Variants in RNF19B observed in about 807,000 individuals in gnomAD.
RNF19B encodes the protein ring finger protein 19B.
Under a neutral mutation model 65.5 loss-of-function variants are expected in RNF19B, and 23 were observed. That is an observed-to-expected ratio of 0.35 (90% CI 0.25 to 0.50). The LOEUF (loss-of-function observed/expected upper bound fraction) is 0.50. Among genes scored for constraint, RNF19B ranks in the 20% least tolerant of loss-of-function variants. RNF19B has a pLI of 0.98. For synonymous variants in RNF19B, 372 were observed against 379.6 expected, an observed-to-expected ratio of 0.98 and a Z score of 0.23; for missense variants, 794 against 980.0, an observed-to-expected ratio of 0.81 and a Z score of 2.53.
rs1289911795 is a variant in RNF19B, at chr1:32,942,464, G to T, written c.1403-5C>A. ...GGGCTCTCCAGGCATCTGCCACTGG[G>T]GATAGAACCAAACATCCAATTCAAG... On this transcript the variant is annotated splice_polypyrimidine_tract_variant and splice_region_variant and intron_variant, in intron 6 of 8. Coordinates refer to ENST00000235150, the MANE Select transcript of RNF19B (RefSeq NM_001300826.2). 1 of 1,611,928 alleles carries T rather than the reference G, an allele frequency of 6.2e-7. No individual in the cohort carries two copies. The highest frequency in any genetic ancestry group is 8.5e-7 in the Non-Finnish European group (1 of 1,178,248).
intron 1 of RNF19B, among the ~76,000 whole-genome samples, chr1:32,952,149 G>A (rs1006955855): frequency 6.6e-6 from 1 of 151,494 alleles, no homozygotes; most frequent in African/African-American, 2.4e-5. Context: ...CACTAATGTC[G>A]ACCATTTCTT....
intron 1 of RNF19B, among the ~76,000 whole-genome samples, chr1:32,952,824 G>A (rs1642539927): frequency 6.6e-6 from 1 of 150,856 alleles, no homozygotes; most frequent in African/African-American, 2.4e-5. Flanking sequence ...GAGGTGGGAG[G>A]ACTGCTTGAG....
intron 1 of RNF19B, among the ~76,000 whole-genome samples, chr1:32,953,560 A>G (rs1333320747): frequency 6.6e-6 from 1 of 152,132 alleles, no homozygotes; most frequent in Admixed American, 6.6e-5. Flanking sequence ...ATGTTATATA[A>G]TACAGGCTGT....
the RNF19B span, among the ~76,000 whole-genome samples, chr1:32,930,669 G>C: frequency 6.6e-6 from 1 of 152,136 alleles, no homozygotes; most frequent in Non-Finnish European, 1.5e-5. Context: ...CAGCCTCCCA[G>C]AGTGCTGGGA....
chr1:32,952,962 ATTTTTTTTTTTTTTTTT>A (rs71278768), intron 1 of RNF19B, among the ~76,000 whole-genome samples: 2 of 120,038 alleles, frequency 1.7e-5, no homozygotes, highest in Non-Finnish European at 3.4e-5. Flanking sequence ...TAATCACACA[ATTTTTTTTTTTTTTTTT>A]TTTTTGAAGA....
rs768797972 is a variant in RNF19B, at chr1:32,948,356, G to A, written c.849C>T (p.Ile283=). The change falls in exon 3 of 9, where the codon ATC becomes ATT. Residue 283 remains isoleucine, a synonymous_variant. Coordinates refer to ENST00000235150, the MANE Select transcript of RNF19B (RefSeq NM_001300826.2). ...SYGQESGPDD[I]KPCPRCSAYI... ...ATGCACTGCATCGTGGGCATGGCTT[G>A]ATGTCATCTGCTATGAGTGGGGGAA... The A allele has an allele frequency of 6.2e-7, 1 of 1,613,234 alleles. No individual in the cohort carries two copies. The highest frequency in any genetic ancestry group is 2.2e-5 in the East Asian group (1 of 44,882).
intron 8 of RNF19B, 158 bp downstream of exon 8, chr1:32,938,239 C>T (rs1193566966): frequency 1.5e-5 from 8 of 528,198 alleles, no homozygotes; most frequent in African/African-American, 1.0e-4. Flanking sequence ...AGATGCCAAA[C>T]ACTCAAGTAC....
At chr1:32,945,463 T>C (rs1472148976) in intron 5 of RNF19B, 51 bp downstream of exon 5, 2 of 1,189,862 alleles carry the variant, frequency 1.7e-6, no homozygotes, top group African/African-American at 3.0e-5. Flanking sequence ...CTGGCTAAAC[T>C]GCTATGGTCA....
chr1:32,942,528 C>A (rs1020892485), intron 6 of RNF19B, 69 bp from the exon 7 acceptor site: 12 of 1,363,160 alleles, frequency 8.8e-6, no homozygotes, highest in Non-Finnish European at 1.2e-5. Context: ...CATTTTCCTG[C>A]AATGACTTTT....
At chr1:32,961,660 C>T (rs548713281) in intron 1 of RNF19B, among the ~76,000 whole-genome samples, 2 of 151,888 alleles carry the variant, frequency 1.3e-5, no homozygotes, top group East Asian at 1.9e-4. Flanking sequence ...ATATATATAA[C>T]TATATATATG....
intron 1 of RNF19B, among the ~76,000 whole-genome samples, chr1:32,955,626 G>A (rs957939208): frequency 2.6e-5 from 4 of 151,692 alleles, no homozygotes; most frequent in Non-Finnish European, 5.9e-5. Context: ...GTGCATGCCT[G>A]TAGTCCCAGC....
intron 4 of RNF19B, among the ~76,000 whole-genome samples, chr1:32,945,992 T>C (rs1642359758): frequency 6.6e-6 from 1 of 152,102 alleles, no homozygotes; most frequent in Non-Finnish European, 1.5e-5. Context: ...GCCTCCCTAG[T>C]AGCTGGGACT....
the RNF19B span, among the ~76,000 whole-genome samples, chr1:32,930,062 G>C: frequency 6.6e-6 from 1 of 152,236 alleles, no homozygotes; most frequent in Non-Finnish European, 1.5e-5. Context: ...TAGGAGGTAA[G>C]TAGGTCACAC....
chr1:32,945,734 A>G, intron 4 of RNF19B, 106 bp from the exon 5 acceptor site: 1 of 614,636 alleles, frequency 1.6e-6, no homozygotes, highest in Non-Finnish European at 2.9e-6. Flanking sequence ...CTATATTAAA[A>G]CATATCCTCT....
Position 32,942,386 on chromosome 1 carries a change from C to CAATA in RNF19B, c.1472_1475dup (p.Leu492PhefsTer5). 1 of 1,614,036 alleles carries CAATA rather than the reference C, an allele frequency of 6.2e-7. No individual in the cohort carries two copies. Among genetic ancestry groups the CAATA allele is most frequent in the Non-Finnish European group, 8.5e-7 (1 of 1,179,892 alleles). On this transcript the variant is annotated frameshift_variant, in exon 7 of 9. Transcript: ENST00000235150. LOFTEE classifies it high-confidence loss of function. ...CATCTGTAGGGCTTCCACTAGTGCT[C>CAATA]AATACACTAGTCAGGCCTTCAATGC...
intron 3 of RNF19B, among the ~76,000 whole-genome samples, chr1:32,948,013 A>G (rs1642407981): frequency 6.6e-6 from 1 of 152,168 alleles, no homozygotes; most frequent in South Asian, 2.1e-4. Context: ...GGAAAAAGCA[A>G]GTCCAGACTA....
intron 3 of RNF19B, among the ~76,000 whole-genome samples, chr1:32,947,614 G>C (rs562186303): frequency 1.3e-5 from 2 of 150,380 alleles, no homozygotes; most frequent in African/African-American, 4.9e-5. Context: ...AGTCGAGATC[G>C]AGCCACTGCA....
chr1:32,957,204 G>A (rs1464958149), intron 1 of RNF19B, among the ~76,000 whole-genome samples: 1 of 152,102 alleles, frequency 6.6e-6, no homozygotes, highest in Admixed American at 6.6e-5. Flanking sequence ...ATGGGGTCTT[G>A]CTATTACCCA....
chr1:32,937,120 C>T lies in RNF19B; in HGVS notation c.1882G>A (p.Gly628Arg), dbSNP rs574862590. 56 of 1,614,178 alleles carry T rather than the reference C, an allele frequency of 3.5e-5. No individual in the cohort carries two copies. The highest frequency in any genetic ancestry group is 1.2e-4 in the African/African-American group (9 of 75,036). Residue 628 changes from glycine (G) to arginine (R), a missense_variant, in exon 9 of 9, where the codon GGA (glycine) becomes AGA (arginine). Transcript: ENST00000235150. Reference protein sequence around the residue: ...AENEEEGSGGGGSEEDPPCRH... With the variant: ...AENEEEGSGGRGSEEDPPCRH... ...CAGGGGGGATCCTCTTCACTGCCTCCGCCACCACTACCTTCTTCTTCATTC... is the reference window on the plus strand; with the variant it reads ...CAGGGGGGATCCTCTTCACTGCCTCTGCCACCACTACCTTCTTCTTCATTC...
Sources: allele counts gnomAD v4.1 joint callset (sites outside exome capture counted in the v4.1 genomes callset), GRCh38; gene constraint gnomAD v4.1.1; transcripts MANE v1.5; gene names NCBI Gene and HGNC (gene_info 2026-07-23, HGNC 2026-07-21).